VAV1: variants seen among roughly 807,000 people sequenced by gnomAD.
VAV1 encodes proto-oncogene vav.
VAV1 carries 33 observed loss-of-function variants against 128.1 expected under a neutral mutation model. That is an observed-to-expected ratio of 0.26 (90% CI 0.20 to 0.34). The LOEUF is 0.34. Ranked by LOEUF, VAV1 falls within the 10% of genes least tolerant of loss-of-function variation. The pLI is 1.00. For synonymous variants in VAV1, 394 were observed against 409.8 expected (o/e 0.96, Z 0.47); for missense variants, 715 against 1,093.7 (o/e 0.65, Z 4.88).
chr19:6,776,248 C>G (rs2144684402), intron 1 of VAV1, among the ~76,000 whole-genome samples: 1 of 151,372 alleles, frequency 6.6e-6, no homozygotes, highest in East Asian at 2.0e-4. Context: ...ATCCATCCAT[C>G]CATCCATCCA....
In VAV1 at chr19:6,825,076, G is replaced by A. The variant is rs772249693; in HGVS notation, c.678G>A (p.Arg226=). 4.3e-6 allele frequency: 7 copies of A among 1,613,546 alleles called. No homozygotes were observed. Among genetic ancestry groups the A allele is most frequent in the Non-Finnish European group, 5.9e-6 (7 of 1,180,024 alleles). Residue 226 remains arginine (R), a synonymous_variant, in exon 7 of 27, where the codon CGG becomes CGA. Transcript: ENST00000602142. ...IQQHFLKPLQ[R]FLKPQDIEII... is the part of the protein sequence containing the mutation. ...AGCATTTCTTGAAGCCCCTGCAACGGTTCCTGAAACCTCAAGACATTGAGA... is the reference window on the plus strand; with the variant it reads ...AGCATTTCTTGAAGCCCCTGCAACGATTCCTGAAACCTCAAGACATTGAGA...
At chr19:6,824,301 T>C (rs1207149195) in intron 6 of VAV1, among the ~76,000 whole-genome samples, 1 of 152,028 alleles carries the variant, frequency 6.6e-6, no homozygotes. Flanking sequence ...CTGTTCCCCT[T>C]CAATCTCTTA....
Position 6,828,608 on chromosome 19 carries a change from T to C in VAV1, c.1093-14T>C. The C allele has an allele frequency of 1.2e-6, 2 of 1,613,874 alleles. No individual in the cohort carries two copies. Among genetic ancestry groups the C allele is most frequent in the Non-Finnish European group, 1.7e-6 (2 of 1,179,884 alleles). ...GCTGTTGGGGGGCCAGGTTCACCCC[T>C]GCCCCCTCCCCAGGACCTGGCTCAG... On this transcript the variant is annotated splice_polypyrimidine_tract_variant and intron_variant, in intron 11 of 26. Coordinates refer to ENST00000602142, the MANE Select transcript of VAV1 (RefSeq NM_005428.4). The surrounding 1 kb of genome is among the most constrained non-coding windows in gnomAD (Gnocchi z 4.5).
intron 1 of VAV1, among the ~76,000 whole-genome samples, chr19:6,791,463 G>GA (rs1971017381): frequency 6.6e-6 from 1 of 151,976 alleles, no homozygotes; most frequent in Non-Finnish European, 1.5e-5. Context: ...TCCTTATCCT[G>GA]GGGTCCTTGA....
chr19:6,814,053 C>T (rs986395658), intron 1 of VAV1, among the ~76,000 whole-genome samples: 1 of 152,078 alleles, frequency 6.6e-6, no homozygotes, highest in Non-Finnish European at 1.5e-5. Context: ...GAGTGATACC[C>T]TGTCTCTAAA....
chr19:6,802,884 C>A (rs888028082), intron 1 of VAV1, among the ~76,000 whole-genome samples: 1 of 152,178 alleles, frequency 6.6e-6, no homozygotes. Flanking sequence ...TTTTATTGAG[C>A]ATCTACTATG....
At chr19:6,805,147 G>A (rs1342473246) in intron 1 of VAV1, among the ~76,000 whole-genome samples, 2 of 152,110 alleles carry the variant, frequency 1.3e-5, no homozygotes, top group East Asian at 1.9e-4. Context: ...TGGTAAGGCC[G>A]GGCGCAGCGG....
chr19:6,805,540 G>A (rs12981950), intron 1 of VAV1, among the ~76,000 whole-genome samples: 4 of 150,036 alleles, frequency 2.7e-5, no homozygotes, highest in African/African-American at 7.3e-5. Context: ...CCAGGGGTTC[G>A]AGACCAGCCT....
chr19:6,821,575 G>A (rs200700855), intron 2 of VAV1, 47 bp from the exon 3 acceptor site: 80 of 1,610,144 alleles, frequency 5.0e-5, no homozygotes, highest in Non-Finnish European at 5.7e-5. Flanking sequence ...GTGTTCTGCC[G>A]TGGGGGTGTA....
intron 1 of VAV1, among the ~76,000 whole-genome samples, chr19:6,801,233 T>G (rs1971261454): frequency 6.6e-6 from 1 of 152,170 alleles, no homozygotes; most frequent in Admixed American, 6.5e-5. Flanking sequence ...TCTGGGGTGC[T>G]GGGTTTCACA....
Position 6,824,929 on chromosome 19 carries a change from A to G in VAV1, c.655-124A>G, listed in dbSNP as rs1359143809. On this transcript the variant is annotated intron_variant, in intron 6 of 26. Transcript: ENST00000602142. The stretch of plus-strand genomic sequence containing the variant: ...ATTTCACTGTGAACATTCTTGTACA[A>G]GTTTTTGTGTGGACGCGCTGCCTCT... 1.8e-5 allele frequency: 19 copies of G among 1,031,818 alleles called. No individual in the cohort carries two copies. The South Asian group carries it at 2.3e-4, about 13-fold the overall frequency. The allele number at this position is 1,031,818 out of a possible 1,614,324, so 63.9% of individuals were successfully genotyped here.
intron 6 of VAV1, 42 bp from the exon 7 acceptor site, chr19:6,825,011 G>C (rs1971881944): frequency 1.2e-6 from 2 of 1,605,782 alleles, no homozygotes; most frequent in Non-Finnish European, 1.7e-6. Context: ...GTCTGGAGGA[G>C]GGAATCTTAT....
intron 1 of VAV1, among the ~76,000 whole-genome samples, chr19:6,817,255 G>A (rs1971676694): frequency 6.6e-6 from 1 of 151,454 alleles, no homozygotes; most frequent in African/African-American, 2.4e-5. Flanking sequence ...GTAGAAATGG[G>A]GTTTCACCAT....
intron 1 of VAV1, among the ~76,000 whole-genome samples, chr19:6,780,485 C>T (rs1970745066): frequency 1.3e-5 from 2 of 150,636 alleles, no homozygotes; most frequent in Non-Finnish European, 3.0e-5. Flanking sequence ...TAACCTATTG[C>T]TCCTAGCTAC....
intron 21 of VAV1, 41 bp downstream of exon 21, chr19:6,837,091 C>T: frequency 6.2e-7 from 1 of 1,605,040 alleles, no homozygotes; most frequent in East Asian, 2.2e-5. Context: ...GCAAGGGGTC[C>T]AGGGCGGGTC....
At position 6,828,853 on chromosome 19, in the gene VAV1, C is replaced by T; in HGVS notation, c.1218C>T (p.Asp406=). The T allele has an allele frequency of 2.5e-6, 4 of 1,614,104 alleles. No individual in the cohort carries two copies. The highest frequency in any genetic ancestry group is 3.4e-6 in the Non-Finnish European group (4 of 1,180,026). The change falls in exon 13 of 27, where the codon GAC becomes GAT. Residue 406 remains aspartate, a synonymous_variant. Transcript: ENST00000602142. This position sits in a 1 kb window ranked among gnomAD's most constrained non-coding sequence, Gnocchi z 4.5. Reference sequence around the variant, plus strand: ...CTCACTATGGCCGGCCCAAGATCGACGGGGAACTCAAGATCACCTCGGTGG... The same window carrying T: ...CTCACTATGGCCGGCCCAAGATCGATGGGGAACTCAAGATCACCTCGGTGG... ...SLAHYGRPKI[D]GELKITSVER...
intron 22 of VAV1, among the ~76,000 whole-genome samples, chr19:6,844,805 C>A (rs536325206): frequency 1.3e-5 from 2 of 151,662 alleles, no homozygotes; most frequent in African/African-American, 4.8e-5. Context: ...TTTAAGGGGA[C>A]GCTGAAAATC....
At position 6,832,071 on chromosome 19, in the gene VAV1, T is replaced by G. The variant is rs774038014; in HGVS notation, c.1399-20T>G. The stretch of plus-strand genomic sequence containing the variant: ...CTCTGCGGGGGCAGTGCCTTCAGTC[T>G]GAGCTCTGCTTCCCTGCAGTGGAGC... On this transcript the variant is annotated intron_variant, in intron 14 of 26. Transcript: ENST00000602142. 2 of 1,612,792 alleles carry G rather than the reference T, an allele frequency of 1.2e-6. No homozygotes were observed. The highest frequency in any genetic ancestry group is 1.7e-6 in the Non-Finnish European group (2 of 1,178,950).
intron 1 of VAV1, among the ~76,000 whole-genome samples, chr19:6,811,279 A>G (rs1171789563): frequency 2.0e-5 from 3 of 151,956 alleles, no homozygotes; most frequent in African/African-American, 2.4e-5. Context: ...CAAGTGATCC[A>G]CCCTCTTCGG....
Sources: gnomAD v4.1 joint callset for allele counts (sites outside exome capture counted in the v4.1 genomes callset) on GRCh38, gnomAD v4.1.1 for gene constraint, Gnocchi (gnomAD v3.1) non-coding constraint, MANE v1.5 for transcripts, NCBI Gene and HGNC (gene_info 2026-07-23, HGNC 2026-07-21) for gene names.